TMPRSS15: variants seen among roughly 807,000 people sequenced by gnomAD.
TMPRSS15 encodes enteropeptidase.
TMPRSS15 carries 128 observed loss-of-function variants against 125.3 expected under a neutral mutation model. The observed-to-expected ratio is 1.02, with a 90% CI of 0.89 to 1.18. The LOEUF (loss-of-function observed/expected upper bound fraction) is 1.18, where lower values mean the gene tolerates loss of function less well. Ranked by LOEUF, TMPRSS15 falls within the 50% of genes most tolerant of loss-of-function variation. The pLI is 0.00. For synonymous variants in TMPRSS15, 446 were observed against 423.2 expected, an observed-to-expected ratio of 1.05 and a Z score of -0.66; for missense variants, 1,283 against 1,212.7, an observed-to-expected ratio of 1.06 and a Z score of -0.86.
Position 18,345,740 on chromosome 21 carries a change from C to CAAAAAAAAAAAAAAA in TMPRSS15, c.1172-1695_1172-1681dup, listed in dbSNP as rs1235619873. 6.4e-3 allele frequency among the ~76,000 whole-genome samples: 99 copies of CAAAAAAAAAAAAAAA among 15,556 alleles called. 16 individuals are homozygous for CAAAAAAAAAAAAAAA. The highest frequency in any genetic ancestry group is 0.013 in the African/African-American group (80 of 6,148). The allele number at this position is 15,556 out of a possible 152,430, so 10.2% of individuals were successfully genotyped here. A position where few individuals can be genotyped will look rare whatever the true frequency, so the allele number is the denominator to read the frequency against. On this transcript the variant is annotated intron_variant, in intron 10 of 24. Coordinates refer to ENST00000284885, the MANE Select transcript of TMPRSS15 (RefSeq NM_002772.3). Reference sequence around the variant, plus strand: ...TAGGCGACAGAGTGAGACTCCGTCTCAAAAAAAAAAAAAAAAAAAAAATCC... The same window carrying CAAAAAAAAAAAAAAA: ...TAGGCGACAGAGTGAGACTCCGTCTCAAAAAAAAAAAAAAAAAAAAAAAAAAAAAAAAAAAAATCC...
At chr21:18,317,317 G>T (rs1328017417) in intron 16 of TMPRSS15, among the ~76,000 whole-genome samples, 2 of 151,460 alleles carry the variant, frequency 1.3e-5, no homozygotes, top group Admixed American at 6.6e-5. Context: ...TATACTTATT[G>T]AAAAAAATAC....
intron 21 of TMPRSS15, among the ~76,000 whole-genome samples, chr21:18,292,269 C>G (rs191651467): frequency 6.6e-6 from 1 of 152,304 alleles, no homozygotes; most frequent in East Asian, 1.9e-4. Context: ...AACTTAAAGA[C>G]AGGGCGTTCC....
intron 1 of TMPRSS15, among the ~76,000 whole-genome samples, chr21:18,423,012 C>T (rs1421077820): frequency 6.6e-6 from 1 of 152,168 alleles, no homozygotes; most frequent in Non-Finnish European, 1.5e-5. Context: ...TTCTTTAAAT[C>T]TTAGGTCAGG....
intron 1 of TMPRSS15, among the ~76,000 whole-genome samples, chr21:18,467,294 A>G (rs1010563926): frequency 5.9e-5 from 9 of 152,008 alleles, no homozygotes; most frequent in African/African-American, 2.2e-4. Flanking sequence ...CATTAGGAGA[A>G]ATACCTAATG....
intron 1 of TMPRSS15, among the ~76,000 whole-genome samples, chr21:18,456,920 C>G (rs1978452658): frequency 6.6e-6 from 1 of 151,962 alleles, no homozygotes; most frequent in Admixed American, 6.6e-5. Context: ...GTAGAAAGAG[C>G]CTGAATGCAG....
intron 1 of TMPRSS15, among the ~76,000 whole-genome samples, chr21:18,420,978 T>C (rs986581137): frequency 1.3e-5 from 2 of 152,216 alleles, no homozygotes; most frequent in African/African-American, 4.8e-5. Flanking sequence ...TAAATAAGGA[T>C]GTGCATTTTA....
chr21:18,326,656 C>T, intron 15 of TMPRSS15, 84 bp from the exon 16 acceptor site: 2 of 1,519,230 alleles, frequency 1.3e-6, no homozygotes, highest in Non-Finnish European at 1.8e-6. Context: ...GTTCCCTCTG[C>T]CAGACGTAGG....
chr21:18,329,055 T>C (rs1378769627), intron 15 of TMPRSS15, 114 bp downstream of exon 15: 3 of 1,199,284 alleles, frequency 2.5e-6, no homozygotes, highest in Admixed American at 3.6e-5. Context: ...TTTACTATTG[T>C]ATTTTCATTT....
chr21:18,282,331 T>C (rs1245902103), intron 21 of TMPRSS15, among the ~76,000 whole-genome samples: 2 of 152,094 alleles, frequency 1.3e-5, no homozygotes, highest in African/African-American at 4.8e-5. Flanking sequence ...CACAAAGGAA[T>C]TATCAGCTGG....
chr21:18,383,825 A>G (rs1463172114), intron 3 of TMPRSS15, 47 bp from the exon 4 acceptor site: 4 of 1,594,580 alleles, frequency 2.5e-6, no homozygotes, highest in Non-Finnish European at 3.4e-6. Flanking sequence ...GCCATCTTCC[A>G]CTGATTTGTG....
At chr21:18,323,094 A>G (rs2075255527) in intron 16 of TMPRSS15, among the ~76,000 whole-genome samples, 1 of 152,014 alleles carries the variant, frequency 6.6e-6, no homozygotes, top group Admixed American at 6.6e-5. Context: ...TTGACAATCC[A>G]TTTTCCTCTT....
In TMPRSS15 at chr21:18,359,693, C is replaced by T. The variant is rs944002430; in HGVS notation, c.880+64G>A. On this transcript the variant is annotated intron_variant, in intron 8 of 24. Coordinates refer to ENST00000284885, the MANE Select transcript of TMPRSS15 (RefSeq NM_002772.3). ...CTTCAAAATCAAAGGGAAAACATACCACTCCAAAAATTTACCCACATATTT... is the reference window on the plus strand; with the variant it reads ...CTTCAAAATCAAAGGGAAAACATACTACTCCAAAAATTTACCCACATATTT... 5 of 760,682 alleles carry T rather than the reference C, an allele frequency of 6.6e-6. No homozygotes were observed. In the African/African-American group the frequency reaches 7.0e-5, roughly 11 times the overall value. The allele number at this position is 760,682 out of a possible 1,614,324, so 47.1% of individuals were successfully genotyped here. A position where few individuals can be genotyped will look rare whatever the true frequency, so the allele number is the denominator to read the frequency against.
Position 18,275,201 on chromosome 21 carries a change from C to G in TMPRSS15, c.2900G>C (p.Cys967Ser). 3 of 1,613,888 alleles carry G rather than the reference C, an allele frequency of 1.9e-6. No individual in the cohort carries two copies. Among genetic ancestry groups the G allele is most frequent in the Non-Finnish European group, 2.5e-6 (3 of 1,179,944 alleles). The change falls in exon 24 of 25, where the codon TGT becomes TCT. Residue 967 changes from cysteine (C) to serine (S), a missense_variant. Cys to Ser is a moderately radical substitution (Grantham distance 112, BLOSUM62 -1). Transcript: ENST00000284885. ...TGAGCAGTTTTACATCTTTACCTGA[C>G]AAGAATCTATTCCTCCTTCTTCATA... The part of the protein sequence containing the change: ...AGYEEGGIDS[C>S]QGDSGGPLMC...
rs73895612 is a variant in TMPRSS15, at chr21:18,432,009, A to G, written c.11-33680T>C. ...TTGGGTGAATATTCAAGGAATTTTA[A>G]TAAAGTTTTCTTACATTTATCTTCA... On this transcript the variant is annotated intron_variant, in intron 1 of 7. Coordinates refer to the TMPRSS15 transcript ENST00000422787. Among the ~76,000 whole-genome samples the G allele has an allele frequency of 5.5e-3, 845 of 152,280 alleles. 6 individuals are homozygous for G. Among genetic ancestry groups the G allele is most frequent in the African/African-American group, 0.02 (817 of 41,566 alleles).
At chr21:18,281,291 C>T (rs2074695864) in intron 21 of TMPRSS15, 70 bp from the exon 22 acceptor site, 1 of 1,268,024 alleles carries the variant, frequency 7.9e-7, no homozygotes, top group Non-Finnish European at 1.2e-6. Context: ...AGATCTTCAT[C>T]ATGACATTTC....
chr21:18,463,896 C>T (rs1449045407), intron 1 of TMPRSS15, among the ~76,000 whole-genome samples: 1 of 151,836 alleles, frequency 6.6e-6, no homozygotes, highest in Non-Finnish European at 1.5e-5. Context: ...GTTCTTTGGC[C>T]AGGCGTGGTG....
rs142217654 is a variant in TMPRSS15, at chr21:18,394,628, T to A, written c.344+3251A>T. ...ACTTTTGATGTATCCATGAACCATATAAACTGTACAGAGATACTGTAGACT... is the reference window on the plus strand; with the variant it reads ...ACTTTTGATGTATCCATGAACCATAAAAACTGTACAGAGATACTGTAGACT... On this transcript the variant is annotated intron_variant, in intron 3 of 24. Transcript: ENST00000284885. Among the ~76,000 whole-genome samples the A allele has an allele frequency of 5.3e-5, 8 of 151,202 alleles. No individual in the cohort carries two copies. The East Asian group carries it at 1.6e-3, about 29-fold the overall frequency.
In TMPRSS15 at chr21:18,290,788, G is replaced by C. The variant is rs530957230; in HGVS notation, c.2486+3482C>G. Among the ~76,000 whole-genome samples, 5 of 152,172 alleles carry C rather than the reference G, an allele frequency of 3.3e-5. No homozygotes were observed. In the South Asian group the frequency reaches 1.0e-3, roughly 32 times the overall value. ...GTCCTGTTTTTAGTAAAAATACTCT[G>C]AGTACTTAAGAGTATAAAAATACAT... is the stretch of plus-strand genomic sequence containing the variant. On this transcript the variant is annotated intron_variant, in intron 21 of 24. Transcript: ENST00000284885.
intron 6 of TMPRSS15, among the ~76,000 whole-genome samples, chr21:18,368,343 A>T (rs1259109431): frequency 6.6e-6 from 1 of 152,224 alleles, no homozygotes; most frequent in South Asian, 2.1e-4. Context: ...TCCTGAGCAC[A>T]TGACTAAACT....
Sources: allele counts gnomAD v4.1 joint callset (sites outside exome capture counted in the v4.1 genomes callset), GRCh38; gene constraint gnomAD v4.1.1; transcripts MANE v1.5; gene names NCBI Gene and HGNC (gene_info 2026-07-23, HGNC 2026-07-21).